The following SGCZ variants were observed in gnomAD, a reference collection of about 807,000 sequenced individuals.
SGCZ encodes the protein zeta-sarcoglycan.
SGCZ carries 40 observed loss-of-function variants against 41.3 expected under a neutral mutation model. The observed-to-expected ratio is 0.97, with a 90% CI of 0.75 to 1.26. SGCZ has a LOEUF of 1.26. Ranked by LOEUF, SGCZ falls within the 50% of genes most tolerant of loss-of-function variation. The pLI is 0.00. For synonymous variants in SGCZ, 206 were observed against 137.5 expected, an observed-to-expected ratio of 1.50 and a Z score of -3.49; for missense variants, 552 against 369.8, an observed-to-expected ratio of 1.49 and a Z score of -4.04.
intron 2 of SGCZ, among the ~76,000 whole-genome samples, chr8:14,540,542 A>C (rs1229748469): frequency 6.6e-6 from 1 of 151,656 alleles, no homozygotes; most frequent in Non-Finnish European, 1.5e-5. Flanking sequence ...GGGTTGTTTC[A>C]ATGGCTTTAT....
intron 2 of SGCZ, among the ~76,000 whole-genome samples, chr8:14,481,938 A>G (rs904299868): frequency 6.6e-6 from 1 of 152,192 alleles, no homozygotes; most frequent in African/African-American, 2.4e-5. Context: ...CGTAAGATCT[A>G]CAATAGCCCC....
At chr8:14,817,580 C>G (rs975268722) in intron 1 of SGCZ, among the ~76,000 whole-genome samples, 4 of 152,182 alleles carry the variant, frequency 2.6e-5, no homozygotes, top group African/African-American at 9.7e-5. Context: ...TGTCACTATA[C>G]CACATTCACA....
At chr8:14,376,460 A>G (rs769281464) in intron 2 of SGCZ, among the ~76,000 whole-genome samples, 1 of 152,348 alleles carries the variant, frequency 6.6e-6, no homozygotes, top group East Asian at 1.9e-4. Context: ...TTTATCCTTA[A>G]ACAGGGAAAC....
At chr8:14,485,833 A>ATTTTTTTTTTTTTTTTTT (rs71209049) in intron 2 of SGCZ, among the ~76,000 whole-genome samples, 29 of 103,378 alleles carry the variant, frequency 2.8e-4, no homozygotes, top group East Asian at 6.0e-4. Context: ...CTCTAGAACA[A>ATTTTTTTTTTTTTTTTTT]TTTTTTTTTT....
At chr8:14,332,694 C>T (rs1200549120) in intron 2 of SGCZ, 1 of 151,310 alleles carries the variant, frequency 6.6e-6, no homozygotes, top group Non-Finnish European at 1.5e-5. Context: ...AATGAGACTA[C>T]AAATAAGGAA....
intron 2 of SGCZ, among the ~76,000 whole-genome samples, chr8:14,438,380 C>T (rs539736498): frequency 8.6e-5 from 13 of 151,962 alleles, no homozygotes; most frequent in East Asian, 1.9e-4. Context: ...TGGTCTTAGA[C>T]GTCATAATTC....
chr8:14,549,446 A>G (rs949443557), intron 2 of SGCZ, among the ~76,000 whole-genome samples: 2 of 152,138 alleles, frequency 1.3e-5, no homozygotes, highest in Non-Finnish European at 2.9e-5. Context: ...TAGTTTACTG[A>G]GAGAACAAGT....
At chr8:15,054,140 G>A (rs555813509) in intron 1 of SGCZ, among the ~76,000 whole-genome samples, 1 of 152,258 alleles carries the variant, frequency 6.6e-6, no homozygotes, top group Admixed American at 6.5e-5. Flanking sequence ...AAGAATCTGT[G>A]TATAAGTGAA....
At chr8:15,101,435 T>G (rs1806608920) in intron 1 of SGCZ, among the ~76,000 whole-genome samples, 1 of 151,458 alleles carries the variant, frequency 6.6e-6, no homozygotes, top group South Asian at 2.1e-4. Context: ...GCAAAAAACA[T>G]GAAAAGATGT....
chr8:14,198,048 T>G (rs901992027), intron 4 of SGCZ, among the ~76,000 whole-genome samples: 1 of 152,208 alleles, frequency 6.6e-6, no homozygotes, highest in Admixed American at 6.5e-5. Context: ...TATAGCACAA[T>G]AATACATTAT....
intron 1 of SGCZ, among the ~76,000 whole-genome samples, chr8:15,008,526 GGGAA>G (rs1188703309): frequency 2.9e-5 from 1 of 34,880 alleles, no homozygotes; most frequent in South Asian, 1.7e-3. Flanking sequence ...TATAAAGGGA[GGGAA>G]GGAAGGAAGG....
intron 1 of SGCZ, among the ~76,000 whole-genome samples, chr8:14,801,078 G>A (rs150720739): frequency 6.6e-6 from 1 of 152,280 alleles, no homozygotes; most frequent in African/African-American, 2.4e-5. Context: ...AAGTTAGAAA[G>A]TCTTTGAAGA....
At chr8:14,754,006 G>A (rs1223600806) in intron 1 of SGCZ, among the ~76,000 whole-genome samples, 2 of 152,064 alleles carry the variant, frequency 1.3e-5, no homozygotes, top group Non-Finnish European at 2.9e-5. Context: ...TTTCAATTCA[G>A]GGCTATCTCA....
At chr8:14,471,227 C>T (rs754611804) in intron 2 of SGCZ, among the ~76,000 whole-genome samples, 49 of 152,100 alleles carry the variant, frequency 3.2e-4, no homozygotes, top group Admixed American at 5.9e-4. Flanking sequence ...TATAGACAAT[C>T]TGTGTCATTG....
rs571211774 is a variant in SGCZ at position 14,144,314 on chromosome 8, G to A, written c.547+20266C>T. ...CACAGCAAGATAAGTCATAGTCAGA[G>A]TCATGAGGACTCCGTTCCAGGCCCT... On this transcript the variant is annotated intron_variant, in intron 5 of 7. Transcript: ENST00000382080. Among the ~76,000 whole-genome samples, 12 of 152,288 alleles carry A rather than the reference G, an allele frequency of 7.9e-5. 1 individual carries two copies. The highest frequency in any genetic ancestry group is 2.9e-4 in the African/African-American group (12 of 41,562).
intron 3 of SGCZ, among the ~76,000 whole-genome samples, chr8:14,277,431 TCTG>T (rs10551794): frequency 0.26 from 40,117 of 151,918 alleles, 5,638 homozygotes; most frequent in South Asian, 0.45. Context: ...CTTCCTCATT[TCTG>T]CTATTTCTAG....
intron 2 of SGCZ, among the ~76,000 whole-genome samples, chr8:14,432,601 A>C (rs570114140): frequency 3.3e-5 from 5 of 152,262 alleles, no homozygotes; most frequent in African/African-American, 1.2e-4. Flanking sequence ...GGGTGCACCA[A>C]AATCTCACAA....
chr8:14,369,554 T>C (rs979186107), intron 2 of SGCZ, among the ~76,000 whole-genome samples: 2 of 152,014 alleles, frequency 1.3e-5, no homozygotes, highest in African/African-American at 4.8e-5. Flanking sequence ...TACTGTAATA[T>C]TATTTTATTC....
At chr8:14,354,434 G>GA (rs1803217367) in intron 2 of SGCZ, among the ~76,000 whole-genome samples, 1 of 151,676 alleles carries the variant, frequency 6.6e-6, no homozygotes, top group Admixed American at 6.6e-5. Context: ...ATTTTCTAAG[G>GA]AAAAGTGGGT....
Sources: allele counts gnomAD v4.1 joint callset (sites outside exome capture counted in the v4.1 genomes callset), GRCh38; gene constraint gnomAD v4.1.1; transcripts MANE v1.5; gene names NCBI Gene and HGNC (gene_info 2026-07-23, HGNC 2026-07-21).